The following NCOR2 variants were observed in gnomAD, a reference collection of about 807,000 sequenced individuals.
The protein encoded by NCOR2 is CTG repeat protein 26.
NCOR2 carries 81 observed loss-of-function variants against 262.9 expected under a neutral mutation model. The observed-to-expected ratio is 0.31, with a 90% confidence interval of 0.26 to 0.37. NCOR2 has a LOEUF of 0.37. Ranked by LOEUF, NCOR2 falls within the 10% of genes least tolerant of loss-of-function variation. The pLI, the probability that NCOR2 is intolerant of heterozygous loss-of-function variation, is 1.00. For synonymous variants in NCOR2, 1,659 were observed against 1,559.3 expected, an observed-to-expected ratio of 1.06 and a Z score of -1.51; for missense variants, 3,385 against 3,621.4, an observed-to-expected ratio of 0.93 and a Z score of 1.68.
At chr12:124,334,205 C>G in intron 41 of NCOR2, 1 of 482,650 alleles carries the variant, frequency 2.1e-6, no homozygotes, top group Non-Finnish European at 3.6e-6. Flanking sequence ...CACGTGAGTG[C>G]CTGGAACCCA....
chr12:124,333,610 C>T (rs2035435692), intron 41 of NCOR2, among the ~76,000 whole-genome samples: 1 of 152,136 alleles, frequency 6.6e-6, no homozygotes, highest in Non-Finnish European at 1.5e-5. Context: ...CACCACTGCC[C>T]CCCAAAGATG....
At chr12:124,342,657 C>T (rs1315886171) in intron 33 of NCOR2, among the ~76,000 whole-genome samples, 3 of 152,160 alleles carry the variant, frequency 2.0e-5, no homozygotes, top group African/African-American at 7.2e-5. Flanking sequence ...TGTGAGCCAC[C>T]GTGCCCGGCA....
chr12:124,496,816 C>T (rs942935222), upstream of NCOR2, among the ~76,000 whole-genome samples: 5 of 151,870 alleles, frequency 3.3e-5, no homozygotes, highest in African/African-American at 1.2e-4. The surrounding 1 kb of genome is among the most constrained non-coding windows in gnomAD (Gnocchi z 4.4). Context: ...GTGACTGTCT[C>T]AAGGATGAGC....
At chr12:124,437,899 A>T (rs780842543) in intron 8 of NCOR2, 31 bp downstream of exon 10, 3 of 1,599,942 alleles carry the variant, frequency 1.9e-6, no homozygotes, top group Non-Finnish European at 1.7e-6. Context: ...GATCTCAAGG[A>T]AAGCTGATGG....
chr12:124,498,609 C>T (rs541429631), upstream of NCOR2, among the ~76,000 whole-genome samples: 9 of 152,302 alleles, frequency 5.9e-5, no homozygotes, highest in Non-Finnish European at 7.4e-5. Context: ...AACGGTTTGG[C>T]GGTTCCTCAA....
chr12:124,565,393 C>G (rs958637143), intron 1 of NCOR2, among the ~76,000 whole-genome samples: 1 of 152,182 alleles, frequency 6.6e-6, no homozygotes, highest in Non-Finnish European at 1.5e-5. Flanking sequence ...GCTGCCGACT[C>G]GCCAGTCACC....
intron 6 of NCOR2, among the ~76,000 whole-genome samples, chr12:124,456,782 A>C (rs534164586): frequency 6.6e-6 from 1 of 152,256 alleles, no homozygotes; most frequent in Admixed American, 6.5e-5. Flanking sequence ...GCTCAGCTGG[A>C]GCAAGCGCAC....
At chr12:124,497,584 A>C (rs537990371), upstream of NCOR2, among the ~76,000 whole-genome samples, 2 of 152,374 alleles carry the variant, frequency 1.3e-5, no homozygotes, top group South Asian at 4.1e-4. The surrounding 1 kb of genome is among the most constrained non-coding windows in gnomAD (Gnocchi z 4.2). Context: ...ACAGAAACCC[A>C]GTACTATGTG....
At chr12:124,398,211 G>A in intron 15 of NCOR2, 30 bp from the exon 18 acceptor site, 1 of 1,611,984 alleles carries the variant, frequency 6.2e-7, no homozygotes, top group Non-Finnish European at 8.5e-7. Context: ...TTATTGGCAG[G>A]AGCCGGGAGA....
chr12:124,422,374 G>T, intron 12 of NCOR2, 127 bp downstream of exon 14: 1 of 1,074,958 alleles, frequency 9.3e-7, no homozygotes. Flanking sequence ...AGGGGAGCAT[G>T]GCAGCTGGAG....
chr12:124,517,326 C>A lies in NCOR2; in HGVS notation c.-118+18239G>T, dbSNP rs75865059. Among the ~76,000 whole-genome samples the A allele has an allele frequency of 6.3e-3, 955 of 152,288 alleles. 46 individuals carry two copies. The East Asian group carries it at 0.13, about 20-fold the overall frequency. On this transcript the variant is annotated intron_variant, in intron 1 of 46. Transcript: ENST00000404621. This position sits in a 1 kb window ranked among gnomAD's most constrained non-coding sequence, Gnocchi z 7.6. The stretch of plus-strand genomic sequence containing the variant: ...GCCACCTCCCTATGGCCGCGGCGCA[C>A]CCAGACCTCAGGACAAATCACTCCC...
At chr12:124,536,756 T>A (rs2051126721), upstream of NCOR2, among the ~76,000 whole-genome samples, 1 of 152,224 alleles carries the variant, frequency 6.6e-6, no homozygotes, top group Non-Finnish European at 1.5e-5. Flanking sequence ...CCATTTCTTA[T>A]AGTTAAACAC....
At chr12:124,334,224 A>G in intron 41 of NCOR2, 200 bp downstream of exon 43, 1 of 510,266 alleles carries the variant, frequency 2.0e-6, no homozygotes, top group South Asian at 2.7e-5. Flanking sequence ...CACTGAGCAC[A>G]GCATGTACTT....
At chr12:124,561,346 G>A (rs1050532843) in intron 1 of NCOR2, among the ~76,000 whole-genome samples, 2 of 152,152 alleles carry the variant, frequency 1.3e-5, no homozygotes, top group Non-Finnish European at 2.9e-5. Flanking sequence ...TTCATCCCCC[G>A]GTTGTGGCAC....
intron 1 of NCOR2, among the ~76,000 whole-genome samples, chr12:124,489,900 GC>G (rs2047989712): frequency 6.6e-6 from 1 of 152,084 alleles, no homozygotes; most frequent in South Asian, 2.1e-4. Flanking sequence ...CCCCTCTCTG[GC>G]CCCTGCATAG....
At chr12:124,558,312 A>C (rs2051953204) in intron 1 of NCOR2, among the ~76,000 whole-genome samples, 1 of 137,154 alleles carries the variant, frequency 7.3e-6, no homozygotes, top group South Asian at 2.7e-4. Flanking sequence ...CCCACCACAG[A>C]ATTGTGGGGA....
At chr12:124,434,220 G>C (rs1007527435) in intron 8 of NCOR2, among the ~76,000 whole-genome samples, 3 of 152,146 alleles carry the variant, frequency 2.0e-5, no homozygotes, top group African/African-American at 7.2e-5. Flanking sequence ...GGGTCTGAGG[G>C]GGGTCTGACT....
chr12:124,521,042 G>C (rs930513085), intron 1 of NCOR2, among the ~76,000 whole-genome samples: 13 of 152,330 alleles, frequency 8.5e-5, no homozygotes, highest in Admixed American at 7.8e-4. Context: ...CTGGCGAATG[G>C]GGGAGCTCCT....
intron 43 of NCOR2, chr12:124,331,989 G>A (rs2135746451): frequency 3.0e-6 from 1 of 332,294 alleles, no homozygotes; most frequent in Middle Eastern, 1.0e-3. Context: ...AAGCCACACA[G>A]GTGCTGAGTG....
Sources: allele counts gnomAD v4.1 joint callset (sites outside exome capture counted in the v4.1 genomes callset), GRCh38; gene constraint gnomAD v4.1.1; non-coding constraint Gnocchi (gnomAD v3.1); transcripts MANE v1.5; gene names NCBI Gene and HGNC (gene_info 2026-07-23, HGNC 2026-07-21).